RBFOX1: variants seen among roughly 807,000 people sequenced by gnomAD.
RBFOX1 encodes the protein RNA binding fox-1 homolog 1, also known as RNA binding protein fox-1 homolog 1.
Under a neutral mutation model 57.7 loss-of-function variants are expected in RBFOX1, and 8 were observed. That is an observed-to-expected ratio of 0.14 (90% CI 0.08 to 0.25). The LOEUF (loss-of-function observed/expected upper bound fraction) is 0.25, where lower values mean the gene tolerates loss of function less well. Among genes scored for constraint, RBFOX1 ranks in the 10% least tolerant of loss-of-function variants. The pLI, the probability that RBFOX1 is intolerant of heterozygous loss-of-function variation, is 1.00. For synonymous variants in RBFOX1, 326 were observed against 222.4 expected (o/e 1.47, Z -4.15); for missense variants, 611 against 548.5 (o/e 1.11, Z -1.14).
intron 3 of RBFOX1, among the ~76,000 whole-genome samples, 180 bp from the exon 4 acceptor site, chr16:7,051,877 C>G (rs566607185): frequency 6.6e-6 from 1 of 152,314 alleles, no homozygotes; most frequent in South Asian, 2.1e-4. Context: ...GCTTCTGAAT[C>G]ACACAATTGA....
At chr16:6,561,329 C>T (rs1018220540) in intron 2 of RBFOX1, among the ~76,000 whole-genome samples, 3 of 152,096 alleles carry the variant, frequency 2.0e-5, no homozygotes, top group South Asian at 4.1e-4. Flanking sequence ...GCATGCATTC[C>T]GTAATACATA....
chr16:6,457,138 A>G lies in RBFOX1; in HGVS notation c.-64+140081A>G, dbSNP rs538115861. On this transcript the variant is annotated intron_variant, in intron 2 of 15. Transcript: ENST00000550418. ...AAAGAATGAAAAGAAAAGAAAATCCAAGACGTCTTTGGACCCCAAACATTG... is the reference window on the plus strand; with the variant it reads ...AAAGAATGAAAAGAAAAGAAAATCCGAGACGTCTTTGGACCCCAAACATTG... Among the ~76,000 whole-genome samples, 81 of 152,320 alleles carry G rather than the reference A, an allele frequency of 5.3e-4. 2 individuals are homozygous for G. The highest frequency in any genetic ancestry group is 4.1e-3 in the South Asian group (20 of 4,824).
intron 3 of RBFOX1, among the ~76,000 whole-genome samples, chr16:6,830,008 C>G (rs764577981): frequency 5.3e-4 from 81 of 152,098 alleles, no homozygotes; most frequent in Admixed American, 2.1e-3. Context: ...CCTCCGCCTT[C>G]TGGGTTCAAG....
chr16:6,537,740 T>G (rs1567600874), intron 2 of RBFOX1, among the ~76,000 whole-genome samples: 1 of 152,168 alleles, frequency 6.6e-6, no homozygotes, highest in Non-Finnish European at 1.5e-5. Context: ...TTATAGCAGA[T>G]AAGAGAAGAT....
At chr16:5,745,676 A>T (rs1015319291) in intron 3 of RBFOX1, among the ~76,000 whole-genome samples, 4 of 152,044 alleles carry the variant, frequency 2.6e-5, no homozygotes, top group Admixed American at 2.6e-4. Flanking sequence ...TTTGATTTGC[A>T]TTTCTCTGAT....
intron 1 of RBFOX1, among the ~76,000 whole-genome samples, chr16:5,290,907 C>G (rs1339245462): frequency 2.6e-5 from 4 of 152,038 alleles, no homozygotes; most frequent in Non-Finnish European, 5.9e-5. Context: ...CCATGTTGAC[C>G]AGGCTGGTCT....
intron 4 of RBFOX1, among the ~76,000 whole-genome samples, chr16:7,170,261 C>T (rs2080421757): frequency 1.3e-5 from 2 of 152,120 alleles, no homozygotes; most frequent in African/African-American, 4.8e-5. Context: ...TCCTGCTCCT[C>T]ACCACTGTTA....
chr16:6,818,693 A>G (rs1382824237), intron 3 of RBFOX1, among the ~76,000 whole-genome samples: 4 of 152,038 alleles, frequency 2.6e-5, no homozygotes, highest in African/African-American at 4.8e-5. Context: ...GTGTTTCTCT[A>G]GAGAAGTCCT....
intron 2 of RBFOX1, among the ~76,000 whole-genome samples, chr16:5,550,778 T>A (rs974686895): frequency 6.6e-6 from 1 of 152,184 alleles, no homozygotes; most frequent in Non-Finnish European, 1.5e-5. Flanking sequence ...AAGTCAGCAA[T>A]AACAATAACA....
chr16:7,114,605 C>T (rs1054927730), intron 4 of RBFOX1, among the ~76,000 whole-genome samples: 9 of 152,210 alleles, frequency 5.9e-5, no homozygotes, highest in African/African-American at 2.2e-4. Context: ...TCTTTCTCTT[C>T]TGTCATTTGA....
chr16:7,544,613 G>A (rs571161427), intron 5 of RBFOX1, among the ~76,000 whole-genome samples: 6 of 152,166 alleles, frequency 3.9e-5, no homozygotes, highest in Non-Finnish European at 7.4e-5. Context: ...AAGCAAGGAC[G>A]GACTCTCCTT....
In RBFOX1 at chr16:5,905,064, C is replaced by CTTTTTTT. The variant is rs57349384; in HGVS notation, c.351+37743_351+37749dup. On this transcript the variant is annotated intron_variant, in intron 4 of 19. Transcript: ENST00000641259. ...CCCATATGACTCCATATGACTGGTG[C>CTTTTTTT]TTTTTTTTTTTTTTTTTTTTGAGAC... is the stretch of plus-strand genomic sequence containing the variant. Among the ~76,000 whole-genome samples the CTTTTTTT allele has an allele frequency of 2.7e-3, 210 of 78,454 alleles. 8 individuals are homozygous for CTTTTTTT. Among genetic ancestry groups the CTTTTTTT allele is most frequent in the African/African-American group, 0.011 (199 of 18,864 alleles). 51.5% of individuals were successfully genotyped at this position (78,454 alleles called of 152,430 possible).
intron 2 of RBFOX1, among the ~76,000 whole-genome samples, chr16:6,417,377 T>G (rs2093652299): frequency 6.6e-6 from 1 of 150,730 alleles, no homozygotes; most frequent in Non-Finnish European, 1.5e-5. Context: ...CTTGATCAAA[T>G]AAGAGTTTCA....
intron 1 of RBFOX1, among the ~76,000 whole-genome samples, chr16:6,157,678 A>G (rs143774950): frequency 6.6e-6 from 1 of 152,202 alleles, no homozygotes; most frequent in East Asian, 1.9e-4. Flanking sequence ...AGTTATATAT[A>G]TATGCCCATA....
chr16:6,813,516 C>G (rs958979288), intron 3 of RBFOX1, among the ~76,000 whole-genome samples: 22 of 152,308 alleles, frequency 1.4e-4, no homozygotes, highest in African/African-American at 5.3e-4. Flanking sequence ...ATGCTATGAT[C>G]TGTCACCTGG....
chr16:5,726,030 C>A (rs866911596), intron 3 of RBFOX1, among the ~76,000 whole-genome samples: 1 of 152,038 alleles, frequency 6.6e-6, no homozygotes, highest in East Asian at 1.9e-4. Context: ...TCTTCCAACC[C>A]AAAGAATCCT....
chr16:6,809,898 C>T (rs2087990753), intron 3 of RBFOX1, among the ~76,000 whole-genome samples: 1 of 152,052 alleles, frequency 6.6e-6, no homozygotes, highest in Non-Finnish European at 1.5e-5. Flanking sequence ...GAGAGAGTTG[C>T]TTTTGTACAA....
chr16:5,836,208 G>T (rs2056451705), intron 3 of RBFOX1, among the ~76,000 whole-genome samples: 1 of 152,176 alleles, frequency 6.6e-6, no homozygotes, highest in South Asian at 2.1e-4. Context: ...GGGGGGTGAG[G>T]CTGGGCCCAG....
chr16:6,123,181 C>G (rs905956270), intron 1 of RBFOX1, among the ~76,000 whole-genome samples: 1 of 152,234 alleles, frequency 6.6e-6, no homozygotes, highest in South Asian at 2.1e-4. Flanking sequence ...AAAATAGAAT[C>G]TTGCACAGAT....
Sources: gnomAD v4.1 joint callset for allele counts (sites outside exome capture counted in the v4.1 genomes callset) on GRCh38, gnomAD v4.1.1 for gene constraint, MANE v1.5 for transcripts, NCBI Gene and HGNC (gene_info 2026-07-23, HGNC 2026-07-21) for gene names.